Variants in JAZF1 observed in about 807,000 individuals in gnomAD.
JAZF1 encodes juxtaposed with another zinc finger protein 1.
JAZF1 carries 8 observed loss-of-function variants against 26.4 expected under a neutral mutation model. The observed-to-expected ratio is 0.30, with a 90% confidence interval of 0.18 to 0.55. The LOEUF (loss-of-function observed/expected upper bound fraction) is 0.55. JAZF1 is among the 20% of genes least tolerant of loss of function. The probability of loss-of-function intolerance (pLI) is 0.94; values close to 1 mark genes in which losing one functional copy is unlikely to be tolerated. For synonymous variants in JAZF1, 126 were observed against 122.3 expected, an observed-to-expected ratio of 1.03 and a Z score of -0.20; for missense variants, 199 against 322.0, an observed-to-expected ratio of 0.62 and a Z score of 2.92.
At chr7:28,008,905 G>A (rs1414174114) in intron 1 of JAZF1, among the ~76,000 whole-genome samples, 2 of 152,130 alleles carry the variant, frequency 1.3e-5, no homozygotes, top group East Asian at 3.8e-4. Context: ...ATACATAAAG[G>A]AAAGCCTTTC....
intron 2 of JAZF1, among the ~76,000 whole-genome samples, chr7:27,910,949 A>G (rs1422952391): frequency 1.3e-5 from 2 of 152,156 alleles, no homozygotes; most frequent in African/African-American, 4.8e-5. Flanking sequence ...CCTCGTGGAG[A>G]TTTTCCTTCT....
chr7:28,058,584 T>G lies in JAZF1; in HGVS notation c.116-66603A>C, dbSNP rs183246670. On this transcript the variant is annotated intron_variant, in intron 1 of 4. Coordinates refer to ENST00000283928, the MANE Select transcript of JAZF1 (RefSeq NM_175061.4). ...TCAGGGAACAGTATAGCATAGATGC[T>G]TTCATCTCATTAATGTTCAGCCTTT... 3.9e-5 allele frequency among the ~76,000 whole-genome samples: 6 copies of G among 152,296 alleles called. No individual in the cohort carries two copies. The East Asian group carries it at 1.2e-3, about 29-fold the overall frequency.
At chr7:28,151,198 G>A (rs1053649076) in intron 1 of JAZF1, among the ~76,000 whole-genome samples, 1 of 151,500 alleles carries the variant, frequency 6.6e-6, no homozygotes, top group Non-Finnish European at 1.5e-5. Flanking sequence ...CCACCTCCCG[G>A]GTTCAAGTGA....
At chr7:28,122,644 A>C (rs1384481068) in intron 1 of JAZF1, among the ~76,000 whole-genome samples, 1 of 152,156 alleles carries the variant, frequency 6.6e-6, no homozygotes, top group East Asian at 1.9e-4. Flanking sequence ...TCAATCCACC[A>C]GACCTGAACA....
intron 1 of JAZF1, among the ~76,000 whole-genome samples, chr7:28,126,035 C>G (rs1782686567): frequency 6.6e-6 from 1 of 152,174 alleles, no homozygotes; most frequent in South Asian, 2.1e-4. Context: ...AATAAGGCAG[C>G]CTTCCTCAGC....
chr7:28,086,819 A>C (rs1265860089), intron 1 of JAZF1, among the ~76,000 whole-genome samples: 1 of 152,222 alleles, frequency 6.6e-6, no homozygotes, highest in Non-Finnish European at 1.5e-5. Context: ...AAGACTTAAC[A>C]CATCTGAAGC....
At position 27,964,651 on chromosome 7, in the gene JAZF1, T is replaced by TA. The variant is rs397956316; in HGVS notation, c.188+27257dup. Among the ~76,000 whole-genome samples the TA allele has an allele frequency of 4.6e-5, 7 of 151,440 alleles. No homozygotes were observed. In the East Asian group the frequency reaches 1.2e-3, roughly 25 times the overall value. ...AATAATCAGAAAAAGTTTTTTTTTTTAAAATGGCTGACACAGTATATTACG... is the reference window on the plus strand; with the variant it reads ...AATAATCAGAAAAAGTTTTTTTTTTTAAAAATGGCTGACACAGTATATTACG... On this transcript the variant is annotated intron_variant, in intron 2 of 4. Coordinates refer to ENST00000283928, the MANE Select transcript of JAZF1 (RefSeq NM_175061.4).
At chr7:28,075,472 C>T (rs568522916) in intron 1 of JAZF1, among the ~76,000 whole-genome samples, 1 of 152,152 alleles carries the variant, frequency 6.6e-6, no homozygotes, top group Admixed American at 6.5e-5. Context: ...AAAAACTTTA[C>T]CTCCCTCCAT....
intron 3 of JAZF1, among the ~76,000 whole-genome samples, chr7:27,878,627 T>G (rs929283035): frequency 2.6e-5 from 4 of 152,230 alleles, no homozygotes; most frequent in Non-Finnish European, 5.9e-5. Flanking sequence ...TTTCCTTCTT[T>G]GTTTTCTTTA....
In JAZF1 at chr7:27,870,471, A is replaced by C. The variant is rs1783561080; in HGVS notation, c.385+24749T>G. Among the ~76,000 whole-genome samples, 3 of 152,256 alleles carry C rather than the reference A, an allele frequency of 2.0e-5. No individual in the cohort carries two copies. In the South Asian group the frequency reaches 6.2e-4, roughly 32 times the overall value. ...CAAGTCCCAAGTATGCCATCAGTACATACTTTCTGATAGATTTTAAAACAC... is the reference window on the plus strand; with the variant it reads ...CAAGTCCCAAGTATGCCATCAGTACCTACTTTCTGATAGATTTTAAAACAC... On this transcript the variant is annotated intron_variant, in intron 3 of 4. Coordinates refer to ENST00000283928, the MANE Select transcript of JAZF1 (RefSeq NM_175061.4).
chr7:27,898,124 C>T (rs1784101847), intron 2 of JAZF1, among the ~76,000 whole-genome samples: 1 of 152,126 alleles, frequency 6.6e-6, no homozygotes, highest in South Asian at 2.1e-4. Flanking sequence ...ACCACACACC[C>T]ATGGCTCTGA....
chr7:28,085,036 CT>C (rs1385295474), intron 1 of JAZF1, among the ~76,000 whole-genome samples: 1 of 152,206 alleles, frequency 6.6e-6, no homozygotes. Flanking sequence ...GATGCAGCCC[CT>C]CAACCTTGGA....
chr7:28,032,683 C>G (rs1479110691), intron 1 of JAZF1, among the ~76,000 whole-genome samples: 3 of 152,176 alleles, frequency 2.0e-5, no homozygotes, highest in Non-Finnish European at 4.4e-5. Context: ...AGCAACCTAA[C>G]TGTGCTTCAT....
At chr7:27,842,048 G>C (rs563222236) in intron 3 of JAZF1, 67 of 152,168 alleles carry the variant, frequency 4.4e-4, no homozygotes, top group African/African-American at 1.6e-3. Flanking sequence ...CCAAATATTG[G>C]CACTTTTATT....
intron 1 of JAZF1, among the ~76,000 whole-genome samples, chr7:28,166,982 T>C (rs1319574666): frequency 1.3e-5 from 2 of 152,178 alleles, no homozygotes; most frequent in East Asian, 3.9e-4. Context: ...ACAGGAGACT[T>C]TGAGGAGTAT....
chr7:27,979,203 C>T (rs1020141331), intron 2 of JAZF1, among the ~76,000 whole-genome samples: 4 of 151,738 alleles, frequency 2.6e-5, no homozygotes, highest in Non-Finnish European at 5.9e-5. Context: ...TAAAAAGGTG[C>T]CAATTTGTGC....
intron 1 of JAZF1, among the ~76,000 whole-genome samples, chr7:27,998,448 A>C (rs1199252166): frequency 6.6e-6 from 1 of 152,234 alleles, no homozygotes; most frequent in Admixed American, 6.5e-5. Flanking sequence ...TGAAACAAAT[A>C]ATGCTTGTTG....
chr7:27,835,291 T>C (rs1782784315), intron 4 of JAZF1, among the ~76,000 whole-genome samples: 1 of 152,076 alleles, frequency 6.6e-6, no homozygotes, highest in Non-Finnish European at 1.5e-5. Context: ...TATAACTAAT[T>C]AGGCTAAAAA....
intron 1 of JAZF1, among the ~76,000 whole-genome samples, chr7:28,005,677 T>G (rs79396366): frequency 6.6e-6 from 1 of 152,226 alleles, no homozygotes; most frequent in Non-Finnish European, 1.5e-5. Flanking sequence ...TTCCTGATTC[T>G]GTGCAAGTTG....
Sources: allele counts gnomAD v4.1 joint callset (sites outside exome capture counted in the v4.1 genomes callset), GRCh38; gene constraint gnomAD v4.1.1; transcripts MANE v1.5; gene names NCBI Gene and HGNC (gene_info 2026-07-23, HGNC 2026-07-21).